Variants in SERINC5 observed in about 807,000 individuals in gnomAD.
SERINC5 encodes chromosome 5 open reading frame 12.
A neutral mutation model predicts 63.1 loss-of-function variants in SERINC5; 41 were observed. That is an observed-to-expected ratio of 0.65 (90% CI 0.51 to 0.84). The LOEUF (loss-of-function observed/expected upper bound fraction) is 0.84, where lower values mean the gene tolerates loss of function less well. SERINC5 is among the 40% of genes least tolerant of loss of function. The pLI, the probability that SERINC5 is intolerant of heterozygous loss-of-function variation, is 0.00. For missense variants in SERINC5, 523 were observed against 573.0 expected, an observed-to-expected ratio of 0.91 and a Z score of 0.89; for synonymous variants, 222 against 215.2, an observed-to-expected ratio of 1.03 and a Z score of -0.28.
At chr5:80,150,401 C>G (rs1239572278) in intron 9 of SERINC5, among the ~76,000 whole-genome samples, 1 of 152,180 alleles carries the variant, frequency 6.6e-6, no homozygotes. Context: ...AATCCCATAG[C>G]ATACAAAGGA....
chr5:80,252,658 G>T lies in SERINC5; in HGVS notation c.27+3238C>A, dbSNP rs1241126674. Among the ~76,000 whole-genome samples the T allele has an allele frequency of 2.0e-5, 3 of 152,124 alleles. No individual in the cohort carries two copies. In the East Asian group the frequency reaches 5.8e-4, roughly 29 times the overall value. ...GTAATGGCCACTAATAAGATTTGGGGGGTTCCTCACACTCTGCCAAATCCT... is the reference window on the plus strand; with the variant it reads ...GTAATGGCCACTAATAAGATTTGGGTGGTTCCTCACACTCTGCCAAATCCT... On this transcript the variant is annotated intron_variant, in intron 1 of 11. Transcript: ENST00000507668.
chr5:80,202,799 C>T (rs1245729334), intron 2 of SERINC5, 87 bp downstream of exon 2: 5 of 1,346,192 alleles, frequency 3.7e-6, no homozygotes, highest in Non-Finnish European at 5.1e-6. Flanking sequence ...CATGGGGGTA[C>T]ATGGACCCCA....
intron 8 of SERINC5, chr5:80,157,873 T>C (rs1434826788): frequency 6.6e-6 from 1 of 152,156 alleles, no homozygotes; most frequent in Non-Finnish European, 1.5e-5. Context: ...GCAAATAGAC[T>C]CTAAAAGGTC....
chr5:80,217,242 C>G lies in SERINC5; in HGVS notation c.28-14189G>C, dbSNP rs190135424. Among the ~76,000 whole-genome samples, 132 of 152,260 alleles carry G rather than the reference C, an allele frequency of 8.7e-4. 1 individual carries two copies. In the South Asian group the frequency reaches 0.027, roughly 31 times the overall value. ...AAGGTGGGCAGAAACCCTGCTCGTTCTACTTTATAAATAGTAGCTTATCAA... is the reference window on the plus strand; with the variant it reads ...AAGGTGGGCAGAAACCCTGCTCGTTGTACTTTATAAATAGTAGCTTATCAA... On this transcript the variant is annotated intron_variant, in intron 1 of 11. Transcript: ENST00000507668.
intron 9 of SERINC5, among the ~76,000 whole-genome samples, chr5:80,149,552 C>T (rs1746040508): frequency 6.6e-6 from 1 of 152,184 alleles, no homozygotes; most frequent in African/African-American, 2.4e-5. Flanking sequence ...AACCAGCTGC[C>T]CGCAGTCAGC....
At chr5:80,173,757 C>T (rs1382105287) in intron 5 of SERINC5, among the ~76,000 whole-genome samples, 5 of 152,046 alleles carry the variant, frequency 3.3e-5, no homozygotes, top group Admixed American at 3.3e-4. Context: ...TCCTCCCTCA[C>T]CTGGATTGAC....
At chr5:80,120,694 A>T (rs2112232426) in intron 11 of SERINC5, among the ~76,000 whole-genome samples, 1 of 152,074 alleles carries the variant, frequency 6.6e-6, no homozygotes, top group South Asian at 2.1e-4. Context: ...AGGCGCCTGT[A>T]ATCCCAGCTA....
chr5:80,155,587 A>G (rs1264094719), intron 8 of SERINC5, among the ~76,000 whole-genome samples: 1 of 150,664 alleles, frequency 6.6e-6, no homozygotes. Context: ...AAAAAAAGGA[A>G]GAAAGAAGGA....
intron 2 of SERINC5, among the ~76,000 whole-genome samples, chr5:80,182,695 G>A (rs1748532466): frequency 6.6e-6 from 1 of 151,858 alleles, no homozygotes; most frequent in South Asian, 2.1e-4. Context: ...ACAGGCGCCT[G>A]CCACCACGCC....
downstream of SERINC5, among the ~76,000 whole-genome samples, chr5:80,136,272 G>A (rs1274757121): frequency 2.1e-5 from 3 of 140,970 alleles, no homozygotes; most frequent in Non-Finnish European, 3.1e-5. Context: ...AAGAGACCTC[G>A]TCTCAAAAAA....
At chr5:80,239,592 T>C (rs1293140934) in intron 1 of SERINC5, among the ~76,000 whole-genome samples, 1 of 151,516 alleles carries the variant, frequency 6.6e-6, no homozygotes, top group Non-Finnish European at 1.5e-5. Flanking sequence ...AAAAGGAAAC[T>C]GGATTCTTAC....
At chr5:80,158,738 A>T in intron 8 of SERINC5, 98 bp downstream of exon 8, 1 of 1,212,144 alleles carries the variant, frequency 8.2e-7, no homozygotes, top group Non-Finnish European at 1.2e-6. Context: ...CCCCCTCCTC[A>T]AATGGTTGCA....
chr5:80,116,822 A>G (rs1744340054), intron 11 of SERINC5, among the ~76,000 whole-genome samples: 1 of 149,750 alleles, frequency 6.7e-6, no homozygotes, highest in Non-Finnish European at 1.5e-5. Context: ...GTGACCAGAA[A>G]CTGGAGAGCT....
rs139923883 is a variant in SERINC5 at position 80,247,563 on chromosome 5, T to G, written c.27+8333A>C. ...CTACAGAGCTGCCCAAGAAAACATA[T>G]TTGAATGAGCAACCATCAAGCAACT... On this transcript the variant is annotated intron_variant, in intron 1 of 11. Coordinates refer to ENST00000507668, the MANE Select transcript of SERINC5 (RefSeq NM_001174072.3). Among the ~76,000 whole-genome samples, 82 of 152,244 alleles carry G rather than the reference T, an allele frequency of 5.4e-4. 2 individuals are homozygous for G. The East Asian group carries it at 6.6e-3, about 12-fold the overall frequency.
chr5:80,252,574 T>C (rs894764132), intron 1 of SERINC5, among the ~76,000 whole-genome samples: 3 of 152,174 alleles, frequency 2.0e-5, no homozygotes, highest in Non-Finnish European at 2.9e-5. Flanking sequence ...CCAAAGTGAA[T>C]ATCAGAGTAG....
chr5:80,223,833 T>C (rs1225001059), intron 1 of SERINC5, among the ~76,000 whole-genome samples: 1 of 151,870 alleles, frequency 6.6e-6, no homozygotes, highest in East Asian at 1.9e-4. Context: ...ACGAGAAAGT[T>C]AGAAAAGTCA....
chr5:80,235,962 G>C (rs1356227125), intron 1 of SERINC5, among the ~76,000 whole-genome samples: 1 of 151,918 alleles, frequency 6.6e-6, no homozygotes, highest in Non-Finnish European at 1.5e-5. Flanking sequence ...GAAAAATCTT[G>C]GCCATTTTAG....
intron 2 of SERINC5, among the ~76,000 whole-genome samples, chr5:80,189,233 G>C (rs1466479935): frequency 1.3e-5 from 2 of 152,184 alleles, no homozygotes; most frequent in Admixed American, 6.5e-5. Flanking sequence ...GAGCAGAAGA[G>C]AGGAGGAGTG....
Position 80,141,526 on chromosome 5 carries a change from T to C in SERINC5, c.*2137A>G. 4.1e-6 allele frequency: 4 copies of C among 985,500 alleles called. No individual in the cohort carries two copies. Among genetic ancestry groups the C allele is most frequent in the Middle Eastern group, 5.2e-4 (1 of 1,914 alleles). 61.0% of individuals were successfully genotyped at this position (985,500 alleles called of 1,614,324 possible). ...CGAGAGGACAAAGCAAGGGCTCTGC[T>C]AGACCTCAGCAGGAGGAAAACAATG... On this transcript the variant is annotated 3_prime_UTR_variant, in exon 12 of 12. Transcript: ENST00000507668.
Sources: gnomAD v4.1 joint callset for allele counts (sites outside exome capture counted in the v4.1 genomes callset) on GRCh38, gnomAD v4.1.1 for gene constraint, MANE v1.5 for transcripts, NCBI Gene and HGNC (gene_info 2026-07-23, HGNC 2026-07-21) for gene names.